The following BICC1 variants were observed in gnomAD, a reference collection of about 807,000 sequenced individuals.
The protein encoded by BICC1 is BicC family RNA binding protein 1.
Under a neutral mutation model 111.0 loss-of-function variants are expected in BICC1, and 43 were observed. That is an observed-to-expected ratio of 0.39 (90% CI 0.30 to 0.50). BICC1 has a LOEUF of 0.50. BICC1 is among the 20% of genes least tolerant of loss of function. The probability of loss-of-function intolerance (pLI) is 0.88; values close to 1 mark genes in which losing one functional copy is unlikely to be tolerated. For synonymous variants in BICC1, 467 were observed against 434.4 expected, an observed-to-expected ratio of 1.07 and a Z score of -0.93; for missense variants, 1,091 against 1,203.2, an observed-to-expected ratio of 0.91 and a Z score of 1.38.
intron 2 of BICC1, among the ~76,000 whole-genome samples, chr10:58,666,699 T>G (rs1227396032): frequency 6.6e-6 from 1 of 152,114 alleles, no homozygotes; most frequent in Non-Finnish European, 1.5e-5. Context: ...TCTTCACCTG[T>G]TAAATGGAAT....
rs75636780 is a variant in BICC1, at chr10:58,784,167, A to C, written c.308-834A>C. Among the ~76,000 whole-genome samples the C allele has an allele frequency of 7.4e-3, 1,126 of 152,192 alleles. 35 individuals carry two copies. The East Asian group carries it at 0.082, about 11-fold the overall frequency. ...TGTTCTGATTAATTATTAATTAGATAATTTATTTGATTAAATTATATTTTG... is the reference window on the plus strand; with the variant it reads ...TGTTCTGATTAATTATTAATTAGATCATTTATTTGATTAAATTATATTTTG... On this transcript the variant is annotated intron_variant, in intron 3 of 20. Transcript: ENST00000373886.
At chr10:58,605,852 GT>G (rs1845193517) in intron 1 of BICC1, among the ~76,000 whole-genome samples, 1 of 152,162 alleles carries the variant, frequency 6.6e-6, no homozygotes, top group South Asian at 2.1e-4. Context: ...CTATGTTGTT[GT>G]TTCCTGACAA....
intron 3 of BICC1, chr10:58,715,844 A>C (rs1840722989): frequency 3.2e-6 from 4 of 1,262,656 alleles, no homozygotes; most frequent in Admixed American, 2.0e-5. Flanking sequence ...AAGAAAAAAG[A>C]AAAGAAGAAA....
At chr10:58,583,765 T>C (rs1844353205) in intron 1 of BICC1, among the ~76,000 whole-genome samples, 1 of 152,200 alleles carries the variant, frequency 6.6e-6, no homozygotes, top group South Asian at 2.1e-4. Context: ...ATATAATGAC[T>C]TCTTTTCCTC....
At chr10:58,791,603 A>G (rs1843179782) in intron 8 of BICC1, among the ~76,000 whole-genome samples, 1 of 152,006 alleles carries the variant, frequency 6.6e-6, no homozygotes, top group African/African-American at 2.4e-5. Flanking sequence ...AGCCGGGCAT[A>G]GTGGTGAAGG....
rs1255434242 is a variant in BICC1, at chr10:58,612,992, A to G, written c.191-7863A>G. ...ATTGTAATAGTTTACACCTGTTTCAACTTTTGCTGTTTTTATTGGCAGTGG... is the reference window on the plus strand; with the variant it reads ...ATTGTAATAGTTTACACCTGTTTCAGCTTTTGCTGTTTTTATTGGCAGTGG... On this transcript the variant is annotated intron_variant, in intron 1 of 20. Transcript: ENST00000373886. 2.6e-5 allele frequency among the ~76,000 whole-genome samples: 4 copies of G among 152,156 alleles called. No homozygotes were observed. In the East Asian group the frequency reaches 7.7e-4, roughly 29 times the overall value.
Position 58,796,371 on chromosome 10 carries a change from C to T in BICC1, c.1211C>T (p.Ala404Val). 6.2e-7 allele frequency: 1 copy of T among 1,613,880 alleles called. No individual in the cohort carries two copies. The change falls in exon 10 of 21, where the codon GCC (alanine) becomes GTC (valine). Residue 404 changes from alanine to valine, a missense_variant. By Grantham distance (64) the Ala-to-Val change is moderately conservative (BLOSUM62 0). Around this residue, in one of 3 missense-constraint regions of BICC1, gnomAD observed 843 missense variants for 900.8 expected, o/e 0.94. Coordinates refer to ENST00000373886, the MANE Select transcript of BICC1 (RefSeq NM_001080512.3). ...ATTGTGAAAAGTGTTGAGCGAAATG[C>T]CTTAAATATGTATGAAGCAAGGAAA... is the stretch of plus-strand genomic sequence containing the variant. ...SVIVKSVERNALNMYEARKCL... is the reference protein window; with the variant it reads ...SVIVKSVERNVLNMYEARKCL...
intron 16 of BICC1, 95 bp downstream of exon 16, chr10:58,806,718 C>A: frequency 8.8e-7 from 1 of 1,132,674 alleles, no homozygotes. Context: ...CTTGAAAACT[C>A]AGAAAAAGAA....
chr10:58,661,342 A>G (rs1032237603), intron 2 of BICC1, among the ~76,000 whole-genome samples: 15 of 151,890 alleles, frequency 9.9e-5, no homozygotes, highest in African/African-American at 3.6e-4. Flanking sequence ...ATGGCATTTT[A>G]AAGGCATCAG....
chr10:58,709,728 C>T lies in BICC1; in HGVS notation c.307+7585C>T, dbSNP rs549716547. On this transcript the variant is annotated intron_variant, in intron 3 of 20. Transcript: ENST00000373886. The stretch of plus-strand genomic sequence containing the variant: ...GAAAATTATCCACTACTGATATCTT[C>T]CCTATAGACCCCTTAAGTAAAAAAA... Among the ~76,000 whole-genome samples, 54 of 152,344 alleles carry T rather than the reference C, an allele frequency of 3.5e-4. No homozygotes were observed. In the South Asian group the frequency reaches 6.8e-3, roughly 19 times the overall value.
intron 1 of BICC1, among the ~76,000 whole-genome samples, chr10:58,534,610 C>CA (rs1564475423): frequency 2.0e-5 from 3 of 151,316 alleles, no homozygotes; most frequent in Admixed American, 1.3e-4. Context: ...AAAATAAATT[C>CA]AAAAATAATG....
chr10:58,692,553 A>G (rs1430015680), intron 2 of BICC1, among the ~76,000 whole-genome samples: 1 of 152,252 alleles, frequency 6.6e-6, no homozygotes, highest in Non-Finnish European at 1.5e-5. Flanking sequence ...AAGTAAAACT[A>G]ATATTTATTC....
intron 1 of BICC1, among the ~76,000 whole-genome samples, chr10:58,522,116 T>A (rs1201133187): frequency 1.3e-5 from 2 of 151,936 alleles, no homozygotes; most frequent in East Asian, 3.9e-4. Context: ...AGTGGCTTGT[T>A]GTAAGGGACT....
chr10:58,795,182 A>G (rs1295578049), intron 9 of BICC1, among the ~76,000 whole-genome samples: 3 of 152,194 alleles, frequency 2.0e-5, no homozygotes, highest in Non-Finnish European at 4.4e-5. Flanking sequence ...TAAATCTTAT[A>G]TGCATAGAAT....
At chr10:58,648,778 T>C (rs1276162264) in intron 2 of BICC1, 2 of 508,892 alleles carry the variant, frequency 3.9e-6, no homozygotes, top group Non-Finnish European at 5.1e-6. Context: ...TCACTCTGCT[T>C]TTCTCTTTCC....
intron 1 of BICC1, among the ~76,000 whole-genome samples, chr10:58,588,903 C>A (rs1284021277): frequency 2.0e-5 from 3 of 152,140 alleles, no homozygotes; most frequent in Non-Finnish European, 4.4e-5. Flanking sequence ...ACTGCAAGCA[C>A]CAGGTAGAGT....
intron 1 of BICC1, among the ~76,000 whole-genome samples, chr10:58,535,396 A>AAACCTT (rs57441260): frequency 0.49 from 73,786 of 150,982 alleles, 18,359 homozygotes; most frequent in Admixed American, 0.63. Context: ...TTCTCAGCAG[A>AAACCTT]ACAAACCAGA....
At chr10:58,515,955 G>C (rs983269018) in intron 1 of BICC1, among the ~76,000 whole-genome samples, 6 of 152,084 alleles carry the variant, frequency 3.9e-5, no homozygotes, top group Admixed American at 6.6e-5. Flanking sequence ...AATAGTTGGG[G>C]AACAAAATAA....
At chr10:58,568,948 C>T (rs1308345722) in intron 1 of BICC1, among the ~76,000 whole-genome samples, 1 of 152,184 alleles carries the variant, frequency 6.6e-6, no homozygotes, top group African/African-American at 2.4e-5. Flanking sequence ...GGCTTTCCCT[C>T]CTTTACCTTT....
Sources: gnomAD v4.1 joint callset for allele counts (sites outside exome capture counted in the v4.1 genomes callset) on GRCh38, gnomAD v4.1.1 for gene constraint, gnomAD v4.1.1 regional missense constraint, MANE v1.5 for transcripts, NCBI Gene and HGNC (gene_info 2026-07-23, HGNC 2026-07-21) for gene names.